Variants in TRAF3 observed in about 807,000 individuals in gnomAD.
TRAF3 encodes the protein TNF receptor associated factor 3.
A neutral mutation model predicts 62.3 loss-of-function variants in TRAF3; 13 were observed. The observed-to-expected ratio is 0.21, with a 90% CI of 0.14 to 0.33. The LOEUF is 0.33. Ranked by LOEUF, TRAF3 falls within the 10% of genes least tolerant of loss-of-function variation. TRAF3 has a pLI of 1.00. For synonymous variants in TRAF3, 269 were observed against 283.4 expected, an observed-to-expected ratio of 0.95 and a Z score of 0.51; for missense variants, 440 against 741.8, an observed-to-expected ratio of 0.59 and a Z score of 4.73.
intron 1 of TRAF3, among the ~76,000 whole-genome samples, chr14:102,779,815 C>T (rs945991897): frequency 1.3e-5 from 2 of 152,230 alleles, no homozygotes; most frequent in Admixed American, 1.3e-4. Context: ...TTCTCATCTT[C>T]ATATAGCAAG....
chr14:102,788,669 A>G (rs554668345), intron 1 of TRAF3, among the ~76,000 whole-genome samples: 1 of 152,314 alleles, frequency 6.6e-6, no homozygotes, highest in South Asian at 2.1e-4. Flanking sequence ...GTGGTGGCGC[A>G]TGCCTCTAGT....
intron 1 of TRAF3, among the ~76,000 whole-genome samples, chr14:102,782,961 T>A (rs1447571785): frequency 6.6e-6 from 1 of 152,192 alleles, no homozygotes; most frequent in Non-Finnish European, 1.5e-5. Context: ...AATGTGAATC[T>A]CCAGGAGTCA....
At chr14:102,849,165 C>T (rs1480890282) in intron 2 of TRAF3, among the ~76,000 whole-genome samples, 1 of 152,228 alleles carries the variant, frequency 6.6e-6, no homozygotes, top group East Asian at 1.9e-4. Flanking sequence ...ATCTGCTTCT[C>T]AATATGGCCA....
rs536580926 is a variant in TRAF3, at chr14:102,903,868, C to T, written c.1135+439C>T. 107 of 446,372 alleles carry T rather than the reference C, an allele frequency of 2.4e-4. No homozygotes were observed. The highest frequency in any genetic ancestry group is 2.1e-3 in the African/African-American group (103 of 49,814). 27.7% of individuals were successfully genotyped at this position (446,372 alleles called of 1,614,324 possible). ...TTTCTGATCCACAAGCAGATGTGGGCCTATGGCTTTGGGGACTGAAAGAGT... is the reference window on the plus strand; with the variant it reads ...TTTCTGATCCACAAGCAGATGTGGGTCTATGGCTTTGGGGACTGAAAGAGT... On this transcript the variant is annotated intron_variant, in intron 11 of 11. Coordinates refer to ENST00000392745, the MANE Select transcript of TRAF3 (RefSeq NM_145725.3). The surrounding 1 kb of genome is among the most constrained non-coding windows in gnomAD (Gnocchi z 6.4).
At chr14:102,807,353 G>A (rs1898834628) in intron 1 of TRAF3, among the ~76,000 whole-genome samples, 2 of 152,136 alleles carry the variant, frequency 1.3e-5, no homozygotes, top group Non-Finnish European at 1.5e-5. Flanking sequence ...TTTCTCCAGG[G>A]GCCTGGGGCC....
chr14:102,854,702 T>C (rs1887257951), intron 2 of TRAF3, among the ~76,000 whole-genome samples: 1 of 152,132 alleles, frequency 6.6e-6, no homozygotes, highest in Non-Finnish European at 1.5e-5. Flanking sequence ...TTTTTTACTG[T>C]GTTGCCCAGG....
chr14:102,781,652 G>T (rs1406731856), intron 1 of TRAF3, among the ~76,000 whole-genome samples: 12 of 151,740 alleles, frequency 7.9e-5, no homozygotes, highest in Admixed American at 7.9e-4. Flanking sequence ...TTTGAAACAG[G>T]GGCTCACTCT....
At chr14:102,812,061 C>A (rs1030762018) in intron 1 of TRAF3, among the ~76,000 whole-genome samples, 1 of 151,160 alleles carries the variant, frequency 6.6e-6, no homozygotes, top group Non-Finnish European at 1.5e-5. Context: ...GAGCACCTGG[C>A]CTGAAGCTAT....
intron 1 of TRAF3, among the ~76,000 whole-genome samples, chr14:102,782,748 A>G (rs1390684537): frequency 6.6e-6 from 1 of 151,712 alleles, no homozygotes; most frequent in African/African-American, 2.4e-5. Flanking sequence ...GTAACTTCTC[A>G]TGAGGCCATT....
intron 4 of TRAF3, among the ~76,000 whole-genome samples, chr14:102,875,027 G>A (rs1888566071): frequency 6.6e-6 from 1 of 152,174 alleles, no homozygotes; most frequent in Admixed American, 6.5e-5. Flanking sequence ...TGTTTAAAGA[G>A]AGTGTTTTTC....
chr14:102,834,763 G>C (rs987182986), intron 2 of TRAF3, among the ~76,000 whole-genome samples: 8 of 145,766 alleles, frequency 5.5e-5, no homozygotes, highest in African/African-American at 2.1e-4. Context: ...ATGGATTAAA[G>C]ACTGAAATGT....
chr14:102,823,830 T>C (rs1001450151), intron 1 of TRAF3, among the ~76,000 whole-genome samples: 4 of 152,362 alleles, frequency 2.6e-5, no homozygotes, highest in Non-Finnish European at 4.4e-5. Context: ...AGCCATTGCC[T>C]ACTTTGGACA....
chr14:102,789,908 A>G (rs370530944), intron 1 of TRAF3, among the ~76,000 whole-genome samples: 211 of 151,880 alleles, frequency 1.4e-3, no homozygotes, highest in African/African-American at 4.9e-3. Flanking sequence ...GCTCACTGCA[A>G]TCTCCGCCTC....
At chr14:102,813,210 G>A (rs1227377820) in intron 1 of TRAF3, among the ~76,000 whole-genome samples, 2 of 42,876 alleles carry the variant, frequency 4.7e-5, no homozygotes, top group African/African-American at 7.9e-5. Flanking sequence ...CCTGACCTCA[G>A]ATAATCCGCC....
intron 1 of TRAF3, among the ~76,000 whole-genome samples, chr14:102,808,122 G>GGGGA: frequency 6.6e-6 from 1 of 152,270 alleles, no homozygotes; most frequent in African/African-American, 2.4e-5. Context: ...GGAAGTGGGA[G>GGGGA]GGGAGGGCAC....
intron 1 of TRAF3, among the ~76,000 whole-genome samples, chr14:102,807,642 G>A (rs1898855827): frequency 6.6e-6 from 1 of 152,106 alleles, no homozygotes; most frequent in African/African-American, 2.4e-5. Context: ...CGCAGAGTTG[G>A]GGTTTTTGTG....
At chr14:102,860,120 T>C (rs1265807907) in intron 2 of TRAF3, among the ~76,000 whole-genome samples, 1 of 152,130 alleles carries the variant, frequency 6.6e-6, no homozygotes, top group African/African-American at 2.4e-5. Flanking sequence ...CTCCATACCT[T>C]CCAGGTGGCC....
At chr14:102,872,178 C>T (rs988811494) in intron 4 of TRAF3, among the ~76,000 whole-genome samples, 1 of 152,224 alleles carries the variant, frequency 6.6e-6, no homozygotes, top group African/African-American at 2.4e-5. Flanking sequence ...TGTGTGAACT[C>T]TGTGAGCTAC....
intron 1 of TRAF3, among the ~76,000 whole-genome samples, chr14:102,793,493 T>C (rs921633938): frequency 6.6e-6 from 1 of 152,214 alleles, no homozygotes; most frequent in Non-Finnish European, 1.5e-5. Context: ...TTCTTCAGAA[T>C]TTTGAAACCT....
Sources: gnomAD v4.1 joint callset for allele counts (sites outside exome capture counted in the v4.1 genomes callset) on GRCh38, gnomAD v4.1.1 for gene constraint, Gnocchi (gnomAD v3.1) non-coding constraint, MANE v1.5 for transcripts, NCBI Gene and HGNC (gene_info 2026-07-23, HGNC 2026-07-21) for gene names.